RBFOX1: variants seen among roughly 807,000 people sequenced by gnomAD.
RBFOX1 encodes the protein RNA binding fox-1 homolog 1.
RBFOX1 carries 8 observed loss-of-function variants against 57.7 expected under a neutral mutation model. That is an observed-to-expected ratio of 0.14 (90% CI 0.08 to 0.25). The LOEUF (loss-of-function observed/expected upper bound fraction) is 0.25, where lower values mean the gene tolerates loss of function less well. RBFOX1 is among the 10% of genes least tolerant of loss of function. The pLI is 1.00. For synonymous variants in RBFOX1, 326 were observed against 222.4 expected (o/e 1.47, Z -4.15); for missense variants, 611 against 548.5 (o/e 1.11, Z -1.14).
intron 1 of RBFOX1, among the ~76,000 whole-genome samples, chr16:6,306,973 T>A (rs1363843918): frequency 2.6e-5 from 4 of 152,116 alleles, no homozygotes; most frequent in Admixed American, 1.3e-4. Flanking sequence ...TTGCTAGACA[T>A]GAACCTGAAG....
At chr16:6,306,500 A>G (rs2079533809) in intron 1 of RBFOX1, among the ~76,000 whole-genome samples, 1 of 152,234 alleles carries the variant, frequency 6.6e-6, no homozygotes, top group African/African-American at 2.4e-5. Flanking sequence ...TGATTTCTTC[A>G]TGGATGAAAT....
chr16:6,751,240 G>A (rs1384617554), intron 3 of RBFOX1, among the ~76,000 whole-genome samples: 2 of 152,148 alleles, frequency 1.3e-5, no homozygotes, highest in Non-Finnish European at 2.9e-5. Context: ...ATTATTAGGA[G>A]ATTGTTTTTA....
intron 3 of RBFOX1, among the ~76,000 whole-genome samples, chr16:6,910,778 C>T (rs954986945): frequency 6.6e-6 from 1 of 152,172 alleles, no homozygotes; most frequent in African/African-American, 2.4e-5. Flanking sequence ...ACCATCAGAT[C>T]CTACGTCTGA....
intron 1 of RBFOX1, among the ~76,000 whole-genome samples, chr16:5,387,902 C>A (rs531359381): frequency 3.9e-5 from 6 of 152,280 alleles, no homozygotes; most frequent in African/African-American, 1.4e-4. Flanking sequence ...AGACAGCAGG[C>A]TCAGAATCAG....
chr16:6,698,770 G>A (rs1207105991), intron 3 of RBFOX1, among the ~76,000 whole-genome samples: 2 of 152,170 alleles, frequency 1.3e-5, no homozygotes, highest in African/African-American at 2.4e-5. Context: ...CTCCCCCACG[G>A]TTTGACTTTC....
chr16:6,548,991 C>G (rs1315490870), intron 2 of RBFOX1, among the ~76,000 whole-genome samples: 4 of 150,290 alleles, frequency 2.7e-5, no homozygotes, highest in Middle Eastern at 3.2e-3. Flanking sequence ...AGGAGATTCA[C>G]TTGAACCCTG....
chr16:7,390,867 G>T (rs2097997751), intron 4 of RBFOX1, among the ~76,000 whole-genome samples: 1 of 152,146 alleles, frequency 6.6e-6, no homozygotes, highest in Non-Finnish European at 1.5e-5. Flanking sequence ...ACGCCCTGGG[G>T]ATATGGAGAG....
At chr16:5,715,391 A>C (rs746041091) in intron 3 of RBFOX1, among the ~76,000 whole-genome samples, 10 of 152,196 alleles carry the variant, frequency 6.6e-5, no homozygotes, top group Non-Finnish European at 1.5e-4. Context: ...TTACTCAAGG[A>C]TGGGGACATT....
chr16:7,263,174 T>C (rs1439513313), intron 4 of RBFOX1, among the ~76,000 whole-genome samples: 1 of 152,206 alleles, frequency 6.6e-6, no homozygotes, highest in East Asian at 1.9e-4. Context: ...TCTTCTCTGT[T>C]ACATTCTAAG....
In RBFOX1 at chr16:6,450,857, A is replaced by G. The variant is rs967906449; in HGVS notation, c.-64+133800A>G. Reference sequence around the variant, plus strand: ...TATATGTGTATATATATATATATATATATATATATATATATATCTCCTCTG... The same window carrying G: ...TATATGTGTATATATATATATATATGTATATATATATATATATCTCCTCTG... On this transcript the variant is annotated intron_variant, in intron 2 of 15. Coordinates refer to ENST00000550418, the MANE Select transcript of RBFOX1 (RefSeq NM_018723.4). Among the ~76,000 whole-genome samples the G allele has an allele frequency of 5.9e-4, 49 of 82,694 alleles. 3 individuals carry two copies. Among genetic ancestry groups the G allele is most frequent in the African/African-American group, 1.7e-3 (33 of 18,970 alleles). 54.3% of individuals were successfully genotyped at this position (82,694 alleles called of 152,430 possible).
chr16:6,233,843 T>G (rs927041469), intron 1 of RBFOX1, among the ~76,000 whole-genome samples: 4 of 152,302 alleles, frequency 2.6e-5, no homozygotes, highest in Non-Finnish European at 4.4e-5. Flanking sequence ...TCTCTGGAAC[T>G]TTCCTAAACC....
At chr16:5,638,402 G>T (rs878513) in intron 3 of RBFOX1, among the ~76,000 whole-genome samples, 2 of 152,066 alleles carry the variant, frequency 1.3e-5, no homozygotes, top group Non-Finnish European at 2.9e-5. Context: ...GCCCTAGCAG[G>T]GGGAGGGCTT....
chr16:5,748,835 C>A lies in RBFOX1; in HGVS notation c.319-118468C>A, dbSNP rs555032916. On this transcript the variant is annotated intron_variant, in intron 3 of 19. Transcript: ENST00000641259. ...TTGACTCTTTATCCAATTTGCCAGTCTGTGTCTTTTAATTGGAGCATTTAG... is the reference window on the plus strand; with the variant it reads ...TTGACTCTTTATCCAATTTGCCAGTATGTGTCTTTTAATTGGAGCATTTAG... Among the ~76,000 whole-genome samples, 3 of 152,268 alleles carry A rather than the reference C, an allele frequency of 2.0e-5. No individual in the cohort carries two copies. In the East Asian group the frequency reaches 5.8e-4, roughly 29 times the overall value.
intron 2 of RBFOX1, among the ~76,000 whole-genome samples, chr16:5,487,758 T>G (rs1426075526): frequency 6.6e-6 from 1 of 152,178 alleles, no homozygotes; most frequent in African/African-American, 2.4e-5. Context: ...GCCCTCAGTA[T>G]GCTCTGCCCT....
intron 2 of RBFOX1, among the ~76,000 whole-genome samples, chr16:6,452,625 T>C (rs2094659465): frequency 6.6e-6 from 1 of 152,102 alleles, no homozygotes; most frequent in Non-Finnish European, 1.5e-5. Flanking sequence ...ATAGCATCAA[T>C]GAGAAAAATG....
intron 4 of RBFOX1, among the ~76,000 whole-genome samples, chr16:7,127,292 T>G (rs148737940): frequency 9.5e-4 from 145 of 152,318 alleles, no homozygotes; most frequent in African/African-American, 3.3e-3. Context: ...CCATAGTACT[T>G]ATGATACTGT....
In RBFOX1 at chr16:6,469,719, G is replaced by A. The variant is rs150310903; in HGVS notation, c.-64+152662G>A. Among the ~76,000 whole-genome samples the A allele has an allele frequency of 1.3e-3, 195 of 152,256 alleles. 2 individuals carry two copies. Among genetic ancestry groups the A allele is most frequent in the African/African-American group, 4.3e-3 (178 of 41,560 alleles). On this transcript the variant is annotated intron_variant, in intron 2 of 15. Transcript: ENST00000550418. Reference sequence around the variant, plus strand: ...AGTTGAATGCATGTAACTTGAGTAAGATTAAAAAGTGATTCTCAGAATCGG... The same window carrying A: ...AGTTGAATGCATGTAACTTGAGTAAAATTAAAAAGTGATTCTCAGAATCGG...
rs570762292 is a variant in RBFOX1 at position 6,124,881 on chromosome 16, C to G, written c.-127+104889C>G. On this transcript the variant is annotated intron_variant, in intron 1 of 15. Coordinates refer to ENST00000550418, the MANE Select transcript of RBFOX1 (RefSeq NM_018723.4). ...ATTTTTTAAAAATAGCCCAAACAAG[C>G]AGATTTTTAACCATCTACAACCAGC... is the stretch of plus-strand genomic sequence containing the variant. 2.0e-4 allele frequency among the ~76,000 whole-genome samples: 30 copies of G among 152,254 alleles called. 1 individual carries two copies. In the South Asian group the frequency reaches 4.6e-3, roughly 23 times the overall value.
intron 3 of RBFOX1, among the ~76,000 whole-genome samples, chr16:5,710,721 C>T (rs1018754180): frequency 1.6e-4 from 25 of 152,134 alleles, no homozygotes; most frequent in African/African-American, 5.1e-4. Context: ...CTTTGTGGTC[C>T]GGAACATCTG....
Sources: allele counts gnomAD v4.1 joint callset (sites outside exome capture counted in the v4.1 genomes callset), GRCh38; gene constraint gnomAD v4.1.1; transcripts MANE v1.5; gene names NCBI Gene and HGNC (gene_info 2026-07-23, HGNC 2026-07-21).